Variants in YTHDC1 observed in about 807,000 individuals in gnomAD.
YTHDC1 encodes YTH N6-methyladenosine RNA binding protein C1, also known as YTH domain-containing protein 1.
YTHDC1 carries 12 observed loss-of-function variants against 107.0 expected under a neutral mutation model. The observed-to-expected ratio is 0.11, with a 90% confidence interval of 0.07 to 0.18. The LOEUF (loss-of-function observed/expected upper bound fraction) is 0.18, where lower values mean the gene tolerates loss of function less well. Among genes scored for constraint, YTHDC1 ranks in the 10% least tolerant of loss-of-function variants. The pLI is 1.00. For synonymous variants in YTHDC1, 280 were observed against 289.5 expected (o/e 0.97, Z 0.33); for missense variants, 635 against 898.8 (o/e 0.71, Z 3.75).
At chr4:68,318,437 A>C in intron 15 of YTHDC1, 82 bp downstream of exon 15, 1 of 1,343,962 alleles carries the variant, frequency 7.4e-7, no homozygotes. Flanking sequence ...AGTAACTGTA[A>C]CAATCATATT....
In YTHDC1 at chr4:68,349,770, C is replaced by A; in HGVS notation, c.-17G>T. The A allele has an allele frequency of 6.2e-7, 1 of 1,612,516 alleles. No homozygotes were observed. Among genetic ancestry groups the A allele is most frequent in the African/African-American group, 1.3e-5 (1 of 75,024 alleles). ...AGCCGCCATGGCTCCCCTTCGGTTTCCGCCGCTGCCACCGCCGCCGCCGCT... is the reference window on the plus strand; with the variant it reads ...AGCCGCCATGGCTCCCCTTCGGTTTACGCCGCTGCCACCGCCGCCGCCGCT... On this transcript the variant is annotated 5_prime_UTR_variant, in exon 1 of 17. Transcript: ENST00000344157.
chr4:68,317,170 G>C (rs1203512653), intron 15 of YTHDC1, among the ~76,000 whole-genome samples: 1 of 152,074 alleles, frequency 6.6e-6, no homozygotes, highest in East Asian at 1.9e-4. Flanking sequence ...GCTGCACAGA[G>C]CTATCATCAC....
At position 68,337,908 on chromosome 4, in the gene YTHDC1, A is replaced by T; in HGVS notation, c.131-8T>A. 1 of 1,595,918 alleles carries T rather than the reference A, an allele frequency of 6.3e-7. No individual in the cohort carries two copies. The highest frequency in any genetic ancestry group is 8.5e-7 in the Non-Finnish European group (1 of 1,175,922). ...CACTTTTTCTTTTTGATCCTTTAAA[A>T]TACAATGTAAAAAAAAAAAAAAGAA... On this transcript the variant is annotated splice_region_variant and splice_polypyrimidine_tract_variant and intron_variant, in intron 2 of 16. Coordinates refer to ENST00000344157, the MANE Select transcript of YTHDC1 (RefSeq NM_001031732.4).
chr4:68,327,185 G>C (rs545973821), intron 9 of YTHDC1, among the ~76,000 whole-genome samples: 1 of 151,916 alleles, frequency 6.6e-6, no homozygotes, highest in Non-Finnish European at 1.5e-5. Flanking sequence ...GTGGTGAGCC[G>C]AGATTGCGCC....
At chr4:68,314,944 A>G (rs909332950) in intron 16 of YTHDC1, among the ~76,000 whole-genome samples, 1 of 152,206 alleles carries the variant, frequency 6.6e-6, no homozygotes, top group Non-Finnish European at 1.5e-5. Flanking sequence ...CTTAGCTGAA[A>G]TAAGATTTGA....
intron 12 of YTHDC1, among the ~76,000 whole-genome samples, chr4:68,319,161 G>C (rs1006658311): frequency 3.9e-5 from 6 of 152,138 alleles, no homozygotes; most frequent in African/African-American, 1.4e-4. Flanking sequence ...CACAGGGAAG[G>C]TAAGGGCAGA....
intron 1 of YTHDC1, among the ~76,000 whole-genome samples, chr4:68,348,569 A>T (rs1021558629): frequency 1.3e-5 from 2 of 151,962 alleles, no homozygotes; most frequent in South Asian, 2.1e-4. Context: ...GAACTACTTT[A>T]GGATAAGGGC....
chr4:68,324,552 C>CA (rs1722778015), intron 9 of YTHDC1, among the ~76,000 whole-genome samples: 1 of 152,144 alleles, frequency 6.6e-6, no homozygotes. Flanking sequence ...ACGCAGTTTG[C>CA]AAATGAAATG....
In YTHDC1 at chr4:68,337,676, T is replaced by C. The variant is rs1724349251; in HGVS notation, c.355A>G (p.Ser119Gly). The C allele has an allele frequency of 1.9e-6, 3 of 1,614,082 alleles. No individual in the cohort carries two copies. The highest frequency in any genetic ancestry group is 1.3e-5 in the African/African-American group (1 of 74,936). ...LDADRKIRLSSSASREPYKNQ... is the reference protein window; with the variant it reads ...LDADRKIRLSGSASREPYKNQ... Reference sequence around the variant, plus strand: ...TTATAAGGTTCTCTGGAGGCACTACTTGATAGACGAATTTTCCGATCAGCA... The same window carrying C: ...TTATAAGGTTCTCTGGAGGCACTACCTGATAGACGAATTTTCCGATCAGCA... Residue 119 changes from serine (S) to glycine (G), a missense_variant, in exon 3 of 17, where the codon AGT (serine) becomes GGT (glycine). Around this residue, in one of 5 missense-constraint regions of YTHDC1, gnomAD observed 294 missense variants for 312.3 expected, o/e 0.94. Transcript: ENST00000344157.
Position 68,310,472 on chromosome 4 carries a change from G to GAAGAAAC in YTHDC1, c.*3626_*3627insGTTTCTT, listed in dbSNP as rs1479399232. The GAAGAAAC allele has an allele frequency of 2.0e-5, 3 of 152,102 alleles. No homozygotes were observed. Among genetic ancestry groups the GAAGAAAC allele is most frequent in the African/African-American group, 7.2e-5 (3 of 41,410 alleles). 9.4% of individuals were successfully genotyped at this position (152,102 alleles called of 1,614,324 possible). On this transcript the variant is annotated 3_prime_UTR_variant, in exon 17 of 17. Transcript: ENST00000344157. ...ATTTAAGACACAGAAGAAACTGAAA[G>GAAGAAAC]TGTAAGATTTAGAAACAAGAGAATC... is the stretch of plus-strand genomic sequence containing the variant.
In YTHDC1 at chr4:68,314,058, A is replaced by AT. The variant is rs1346373335; in HGVS notation, c.*40dup. 6.3e-7 allele frequency: 1 copy of AT among 1,581,680 alleles called. No homozygotes were observed. Among genetic ancestry groups the AT allele is most frequent in the East Asian group, 2.2e-5 (1 of 44,670 alleles). ...AACACACACAAAAAAAAAATACAAG[A>AT]TTTTTTGTATCTTTAAACAATCAGT... On this transcript the variant is annotated 3_prime_UTR_variant, in exon 17 of 17. Transcript: ENST00000344157.
chr4:68,344,871 A>G (rs1034192902), intron 1 of YTHDC1, among the ~76,000 whole-genome samples: 1 of 152,104 alleles, frequency 6.6e-6, no homozygotes, highest in Non-Finnish European at 1.5e-5. Context: ...CCCCATCTCT[A>G]CAAAAAACAC....
rs778948371 is a variant in YTHDC1, at chr4:68,333,409, AAG to A, written c.884-14_884-13del. 4.9e-5 allele frequency: 77 copies of A among 1,580,422 alleles called. 1 individual carries two copies. The Middle Eastern group carries it at 1.0e-3, about 21-fold the overall frequency. On this transcript the variant is annotated splice_polypyrimidine_tract_variant and intron_variant, in intron 4 of 16. Coordinates refer to ENST00000344157, the MANE Select transcript of YTHDC1 (RefSeq NM_001031732.4). ...CTTCTTTTTCTCATCTAAAAAGAACAAGAGTTTTTTTTTTAAATCACAATACA... is the reference window on the plus strand; with the variant it reads ...CTTCTTTTTCTCATCTAAAAAGAACAAGTTTTTTTTTTAAATCACAATACA...
chr4:68,318,759 T>C, intron 13 of YTHDC1, 30 bp from the exon 14 acceptor site: 1 of 1,614,150 alleles, frequency 6.2e-7, no homozygotes, highest in Non-Finnish European at 8.5e-7. Context: ...TGAAACTAAA[T>C]TCAGGTAATT....
In YTHDC1 at chr4:68,337,220, C is replaced by T. The variant is rs1390151164; in HGVS notation, c.690G>A (p.Glu230=). Reference sequence around the variant, plus strand: ...CCTCCTCCTCCTCTTCCTCCTCCTCCTCTCCATCTTCATCCACCTCTTCAT... The same window carrying T: ...CCTCCTCCTCCTCTTCCTCCTCCTCTTCTCCATCTTCATCCACCTCTTCAT... ...EEDEEVDEDG[E]EEEEEEEEEE... The change falls in exon 4 of 17, where the codon GAG becomes GAA. Residue 230 remains glutamate, a synonymous_variant. Coordinates refer to ENST00000344157, the MANE Select transcript of YTHDC1 (RefSeq NM_001031732.4). 2.5e-6 allele frequency: 4 copies of T among 1,596,264 alleles called. No homozygotes were observed. The South Asian group carries it at 3.3e-5, about 13-fold the overall frequency.
In YTHDC1 at chr4:68,312,915, C is replaced by T. The variant is rs1721413828; in HGVS notation, c.*1184G>A. 1 of 152,228 alleles carries T rather than the reference C, an allele frequency of 6.6e-6. No individual in the cohort carries two copies. The highest frequency in any genetic ancestry group is 2.4e-5 in the African/African-American group (1 of 41,516). The allele number at this position is 152,228 out of a possible 1,614,324, so 9.4% of individuals were successfully genotyped here. A position where few individuals can be genotyped will look rare whatever the true frequency, so the allele number is the denominator to read the frequency against. On this transcript the variant is annotated 3_prime_UTR_variant, in exon 17 of 17. Transcript: ENST00000344157. ...TCTATTTCTATGTTATAGTTGGTTA[C>T]CACTGGGAGAACTGGACAGTTAACT...
intron 9 of YTHDC1, among the ~76,000 whole-genome samples, chr4:68,325,251 A>G (rs551098112): frequency 1.3e-5 from 2 of 152,338 alleles, no homozygotes; most frequent in East Asian, 1.9e-4. Flanking sequence ...AATGGGTACT[A>G]TATGCACAAT....
rs1724383612 is a variant in YTHDC1 at position 68,337,862 on chromosome 4, T to G, written c.169A>C (p.Thr57Pro). 6.2e-7 allele frequency: 1 copy of G among 1,613,698 alleles called. No homozygotes were observed. Among genetic ancestry groups the G allele is most frequent in the African/African-American group, 1.3e-5 (1 of 75,012 alleles). ...TGGACAGAAGGCTTTTGTCGTTTGG[T>G]ATCAGTAGATTCCATTCGATCACTT... is the stretch of plus-strand genomic sequence containing the variant. ...RKSDRMESTD[T>P]KRQKPSVHSR... Residue 57 changes from threonine to proline, a missense_variant, in exon 3 of 17, where the codon ACC becomes CCC. Coordinates refer to ENST00000344157, the MANE Select transcript of YTHDC1 (RefSeq NM_001031732.4).
At chr4:68,343,808 A>G (rs150304539) in intron 1 of YTHDC1, among the ~76,000 whole-genome samples, 2 of 152,196 alleles carry the variant, frequency 1.3e-5, no homozygotes, top group Non-Finnish European at 2.9e-5. Context: ...CAAAATTAAG[A>G]TGTCACAAAA....
Sources: allele counts gnomAD v4.1 joint callset (sites outside exome capture counted in the v4.1 genomes callset), GRCh38; gene constraint gnomAD v4.1.1; regional missense constraint gnomAD v4.1.1; transcripts MANE v1.5; gene names NCBI Gene and HGNC (gene_info 2026-07-23, HGNC 2026-07-21).